Variants in HIVEP3 observed in about 807,000 individuals in gnomAD.
HIVEP3 encodes the protein HIVEP zinc finger 3.
HIVEP3 carries 49 observed loss-of-function variants against 152.8 expected under a neutral mutation model. That is an observed-to-expected ratio of 0.32 (90% CI 0.26 to 0.41). HIVEP3 has a LOEUF of 0.41. Among genes scored for constraint, HIVEP3 ranks in the 10% least tolerant of loss-of-function variants. The pLI, the probability that HIVEP3 is intolerant of heterozygous loss-of-function variation, is 1.00. For missense variants in HIVEP3, 2,790 were observed against 3,103.3 expected, an observed-to-expected ratio of 0.90 and a Z score of 2.40; for synonymous variants, 1,269 against 1,289.0, an observed-to-expected ratio of 0.98 and a Z score of 0.33.
intron 1 of HIVEP3, among the ~76,000 whole-genome samples, chr1:41,886,957 A>G (rs1180325212): frequency 1.3e-5 from 2 of 152,190 alleles, no homozygotes; most frequent in African/African-American, 4.8e-5. Context: ...GAATTACACA[A>G]AATATATTTT....
chr1:41,943,059 C>A (rs928617435), intron 1 of HIVEP3, among the ~76,000 whole-genome samples: 4 of 152,082 alleles, frequency 2.6e-5, no homozygotes, highest in African/African-American at 7.2e-5. Flanking sequence ...GCCATCACGC[C>A]CAGCTAATTT....
chr1:41,530,393 C>T (rs557679602), intron 5 of HIVEP3, among the ~76,000 whole-genome samples: 1 of 152,380 alleles, frequency 6.6e-6, no homozygotes, highest in South Asian at 2.1e-4. Flanking sequence ...AGCAGATCTC[C>T]AAGACCAAAA....
chr1:41,763,269 T>C (rs1647807704), intron 1 of HIVEP3, among the ~76,000 whole-genome samples: 2 of 152,186 alleles, frequency 1.3e-5, no homozygotes, highest in African/African-American at 2.4e-5. Flanking sequence ...GCTGAGGACA[T>C]GGGCTGGCAA....
At position 41,584,263 on chromosome 1, in the gene HIVEP3, C is replaced by T. The variant is rs1185944629; in HGVS notation, c.535G>A (p.Ala179Thr). ...TGGGGCTTCCTCTCCTTCTTGTGTG[C>T]CTCTTCTGTGGGCTTCAAGGAGACC... is the stretch of plus-strand genomic sequence containing the variant. ...SQVSLKPTEE[A>T]HKKERKPQKP... Residue 179 changes from alanine (A) to threonine (T), a missense_variant, in exon 4 of 9, where the codon GCA becomes ACA. Transcript: ENST00000372583. This position sits in a 1 kb window ranked among gnomAD's most constrained non-coding sequence, Gnocchi z 5.2. 1.2e-6 allele frequency: 2 copies of T among 1,613,240 alleles called. No homozygotes were observed. The highest frequency in any genetic ancestry group is 1.7e-6 in the Non-Finnish European group (2 of 1,179,562).
intron 1 of HIVEP3, among the ~76,000 whole-genome samples, chr1:41,909,506 A>C (rs892093489): frequency 3.9e-5 from 6 of 152,162 alleles, no homozygotes; most frequent in African/African-American, 1.4e-4. Context: ...CCATAAGAAG[A>C]AACAGAAAAA....
intron 6 of HIVEP3, among the ~76,000 whole-genome samples, chr1:41,520,718 A>G (rs1642739417): frequency 6.6e-6 from 1 of 152,228 alleles, no homozygotes; most frequent in Non-Finnish European, 1.5e-5. Flanking sequence ...CTGGGCACAC[A>G]ATGGGTGTAC....
chr1:41,581,337 T>A lies in HIVEP3; in HGVS notation c.3461A>T (p.His1154Leu), dbSNP rs1347225513. Residue 1154 changes from histidine (H) to leucine (L), a missense_variant, in exon 4 of 9, where the codon CAT (histidine) becomes CTT (leucine). His to Leu is a moderately conservative substitution (Grantham distance 99, BLOSUM62 -3). Around this residue, in one of 9 missense-constraint regions of HIVEP3, gnomAD observed 1,078 missense variants for 1,165.3 expected, o/e 0.93. Coordinates refer to ENST00000372583, the MANE Select transcript of HIVEP3 (RefSeq NM_024503.5). The surrounding 1 kb of genome is among the most constrained non-coding windows in gnomAD (Gnocchi z 4.5). ...SLFSFQHLVQ[H>L]EPGQSPEFFS... is the part of the protein sequence containing the mutation. ...GAATTCTGGAGACTGTCCTGGCTCA[T>A]GCTGCACGAGATGCTGGAAGGAGAA... The A allele has an allele frequency of 6.2e-7, 1 of 1,613,590 alleles. No homozygotes were observed. The highest frequency in any genetic ancestry group is 1.3e-5 in the African/African-American group (1 of 74,862).
rs561173739 is a variant in HIVEP3 at position 41,961,427 on chromosome 1, C to T, written n.120-42903G>A. Among the ~76,000 whole-genome samples the T allele has an allele frequency of 2.0e-4, 30 of 152,386 alleles. No homozygotes were observed. In the South Asian group the frequency reaches 5.0e-3, roughly 25 times the overall value. On this transcript the variant is annotated intron_variant and non_coding_transcript_variant, in intron 1 of 3. Coordinates refer to the HIVEP3 transcript ENST00000489103. ...CAAGGCACCCAATGACAGTGAGCTT[C>T]GCCACATCACTGTTTTGGGTCAATA...
Position 41,585,309 on chromosome 1 carries a change from C to T in HIVEP3, c.-512G>A. On this transcript the variant is annotated 5_prime_UTR_variant, in exon 4 of 9. It adds an upstream start codon to the 5' untranslated region. Transcript: ENST00000372583. ...ATCAACGGCCTTGGAGGAGAAATCA[C>T]GCTCTTCTTCTGTGTGATAGATGTA... is the stretch of plus-strand genomic sequence containing the variant. 2 of 399,024 alleles carry T rather than the reference C, an allele frequency of 5.0e-6. No individual in the cohort carries two copies. The highest frequency in any genetic ancestry group is 8.8e-6 in the Non-Finnish European group (2 of 226,142). 24.7% of individuals were successfully genotyped at this position (399,024 alleles called of 1,614,324 possible).
intron 2 of HIVEP3, among the ~76,000 whole-genome samples, chr1:41,680,181 T>C (rs1356435230): frequency 6.6e-6 from 1 of 152,152 alleles, no homozygotes; most frequent in Admixed American, 6.5e-5. Flanking sequence ...GTCATTTCTC[T>C]ACAGGTCACG....
chr1:41,914,757 A>G (rs949011078), intron 1 of HIVEP3, among the ~76,000 whole-genome samples: 2 of 152,136 alleles, frequency 1.3e-5, no homozygotes, highest in Non-Finnish European at 2.9e-5. Context: ...GTAAGTCTAC[A>G]TTTGCTACAC....
chr1:41,754,170 GGA>G (rs1243239995), intron 1 of HIVEP3, among the ~76,000 whole-genome samples: 6 of 152,244 alleles, frequency 3.9e-5, no homozygotes, highest in Non-Finnish European at 7.3e-5. Context: ...GACCCAGCAA[GGA>G]GAGTGGGACC....
At chr1:41,906,194 T>C (rs1644706998) in intron 1 of HIVEP3, among the ~76,000 whole-genome samples, 1 of 151,916 alleles carries the variant, frequency 6.6e-6, no homozygotes, top group South Asian at 2.1e-4. Context: ...CTGTAGTCCC[T>C]GTAACTCAGG....
intron 1 of HIVEP3, among the ~76,000 whole-genome samples, chr1:41,972,268 G>A (rs186535025): frequency 6.6e-5 from 10 of 152,260 alleles, no homozygotes; most frequent in Non-Finnish European, 1.3e-4. Flanking sequence ...ACTGTACCCA[G>A]TAACAAGATC....
At chr1:41,836,363 G>A (rs992890975) in intron 1 of HIVEP3, among the ~76,000 whole-genome samples, 2 of 152,226 alleles carry the variant, frequency 1.3e-5, no homozygotes, top group African/African-American at 4.8e-5. Flanking sequence ...GCACAGCTGG[G>A]TCAGGTTCAG....
chr1:41,518,231 T>G (rs1168459513), intron 7 of HIVEP3, among the ~76,000 whole-genome samples, 171 bp downstream of exon 7: 1 of 152,072 alleles, frequency 6.6e-6, no homozygotes, highest in African/African-American at 2.4e-5. Flanking sequence ...AATTTAACCT[T>G]TGTCTGATAC....
Position 41,751,407 on chromosome 1 carries a change from G to A in HIVEP3, c.-800-50412C>T, listed in dbSNP as rs1389811595. Among the ~76,000 whole-genome samples, 4 of 137,166 alleles carry A rather than the reference G, an allele frequency of 2.9e-5. No individual in the cohort carries two copies. The Admixed American group carries it at 3.3e-4, about 11-fold the overall frequency. The allele number at this position is 137,166 out of a possible 152,430, so 90.0% of individuals were successfully genotyped here. On this transcript the variant is annotated intron_variant, in intron 1 of 8. Coordinates refer to ENST00000372583, the MANE Select transcript of HIVEP3 (RefSeq NM_024503.5). ...CCTGCTAAATTTAGCAGATGCTTAC[G>A]CCCCCTCACCCAGGGCTCAGCCCAC...
intron 5 of HIVEP3, among the ~76,000 whole-genome samples, chr1:41,557,946 A>G (rs1435832409): frequency 6.6e-6 from 1 of 152,214 alleles, no homozygotes; most frequent in Non-Finnish European, 1.5e-5. Flanking sequence ...CAAGCCTCAC[A>G]GTGGCCTCAC....
chr1:41,515,032 C>G (rs1264082588), intron 7 of HIVEP3, among the ~76,000 whole-genome samples: 1 of 152,198 alleles, frequency 6.6e-6, no homozygotes, highest in Non-Finnish European at 1.5e-5. Context: ...TAACATCTGG[C>G]CTGTTCGCTG....
Sources: gnomAD v4.1 joint callset for allele counts (sites outside exome capture counted in the v4.1 genomes callset) on GRCh38, gnomAD v4.1.1 for gene constraint, gnomAD v4.1.1 regional missense constraint, Gnocchi (gnomAD v3.1) non-coding constraint, MANE v1.5 for transcripts, NCBI Gene and HGNC (gene_info 2026-07-23, HGNC 2026-07-21) for gene names.